The following BTG4 variants were observed in gnomAD, a reference collection of about 807,000 sequenced individuals.
BTG4 encodes the protein BTG anti-proliferation factor 4.
In BTG4, 10 loss-of-function variants were observed where a neutral mutation model predicts 19.3. That is an observed-to-expected ratio of 0.52 (90% CI 0.32 to 0.88). The LOEUF (loss-of-function observed/expected upper bound fraction) is 0.88, where lower values mean the gene tolerates loss of function less well. Ranked by LOEUF, BTG4 falls within the 40% of genes least tolerant of loss-of-function variation. BTG4 has a pLI of 0.04. For missense variants in BTG4, 238 were observed against 281.9 expected (o/e 0.84, Z 1.11); for synonymous variants, 91 against 95.7 (o/e 0.95, Z 0.29).
downstream of BTG4, chr11:111,463,285 G>A (rs1458596877): frequency 1.3e-5 from 2 of 152,700 alleles, no homozygotes; most frequent in Non-Finnish European, 2.9e-5. Flanking sequence ...ACCAAGCATG[G>A]AACTCTGTGC....
the BTG4 span, among the ~76,000 whole-genome samples, chr11:111,401,481 CAA>C: frequency 7.3e-6 from 1 of 137,904 alleles, no homozygotes. Flanking sequence ...GACTCCGTCT[CAA>C]AAAAAAAAAA....
At chr11:111,463,558 C>T (rs1019781597), downstream of BTG4, 3 of 152,616 alleles carry the variant, frequency 2.0e-5, no homozygotes, top group African/African-American at 7.2e-5. Flanking sequence ...GGTCCTAATG[C>T]TACACTTAGA....
chr11:111,414,884 C>T, the BTG4 span: 5 of 152,252 alleles, frequency 3.3e-5, no homozygotes, highest in Admixed American at 2.0e-4. Flanking sequence ...GATACCAACA[C>T]CTTCCCCAGC....
chr11:111,443,058 T>C, the BTG4 span, among the ~76,000 whole-genome samples: 1 of 152,350 alleles, frequency 6.6e-6, no homozygotes, highest in Non-Finnish European at 1.5e-5. Context: ...CCAACAGTGA[T>C]ACATCATGTT....
the BTG4 span, among the ~76,000 whole-genome samples, chr11:111,419,735 C>G: frequency 2.6e-5 from 4 of 152,228 alleles, no homozygotes; most frequent in Non-Finnish European, 5.9e-5. Flanking sequence ...CAGACAGGAA[C>G]TGACATGGAG....
At chr11:111,430,627 G>A in the BTG4 span, among the ~76,000 whole-genome samples, 1 of 152,160 alleles carries the variant, frequency 6.6e-6, no homozygotes, top group East Asian at 1.9e-4. Flanking sequence ...TTACCATCTT[G>A]ACTTTTCCCT....
At chr11:111,438,402 T>C in the BTG4 span, among the ~76,000 whole-genome samples, 2 of 152,228 alleles carry the variant, frequency 1.3e-5, no homozygotes, top group Non-Finnish European at 2.9e-5. Context: ...CCTTGGCTCA[T>C]GCAGCCTCCA....
intron 1 of BTG4, among the ~76,000 whole-genome samples, chr11:111,509,351 C>T (rs1387503242): frequency 6.6e-6 from 1 of 152,012 alleles, no homozygotes; most frequent in East Asian, 1.9e-4. Flanking sequence ...GATCTATAAA[C>T]CAAGATATGG....
Position 111,495,057 on chromosome 11 carries a change from A to G in BTG4, c.*78T>C. 1.7e-5 allele frequency: 24 copies of G among 1,400,972 alleles called. No homozygotes were observed. Among genetic ancestry groups the G allele is most frequent in the Non-Finnish European group, 2.2e-5 (24 of 1,079,542 alleles). 86.8% of individuals were successfully genotyped at this position (1,400,972 alleles called of 1,614,324 possible). ...CATTTTTTGTTTCATGGGCCTCTCA[A>G]CCTTAAATTCATTTTTATTTTAGAG... On this transcript the variant is annotated 3_prime_UTR_variant, in exon 5 of 5. Coordinates refer to ENST00000692032, the MANE Select transcript of BTG4 (RefSeq NM_001367975.1).
intron 3 of BTG4, 116 bp downstream of exon 3, chr11:111,497,882 A>C: frequency 8.8e-7 from 1 of 1,129,998 alleles, no homozygotes; most frequent in Non-Finnish European, 1.2e-6. Flanking sequence ...TTAACCAAGA[A>C]GTATCCCTGC....
At chr11:111,491,067 G>C (rs1865386220), downstream of BTG4, among the ~76,000 whole-genome samples, 1 of 152,196 alleles carries the variant, frequency 6.6e-6, no homozygotes, top group African/African-American at 2.4e-5. Context: ...ACCAATACAT[G>C]CAGCAACCTG....
At chr11:111,490,287 AT>A (rs1476479714), downstream of BTG4, among the ~76,000 whole-genome samples, 3 of 138,666 alleles carry the variant, frequency 2.2e-5, no homozygotes, top group African/African-American at 5.0e-5. Context: ...AATAAAAAAA[AT>A]AAATAAAAAA....
chr11:111,415,231 G>A, the BTG4 span, among the ~76,000 whole-genome samples: 2 of 139,992 alleles, frequency 1.4e-5, no homozygotes, highest in Non-Finnish European at 3.2e-5. Context: ...AGTGACCCCC[G>A]CCTCCCCTGC....
the BTG4 span, among the ~76,000 whole-genome samples, chr11:111,448,188 C>T: frequency 5.3e-5 from 8 of 152,148 alleles, no homozygotes; most frequent in Admixed American, 1.3e-4. Flanking sequence ...TGAGACGCCT[C>T]GTGCAAAAGA....
chr11:111,405,000 C>T, the BTG4 span, among the ~76,000 whole-genome samples: 49,226 of 152,088 alleles, frequency 0.32, 8,796 homozygotes, highest in Admixed American at 0.43. Flanking sequence ...CCCCCACATC[C>T]CAGCACTATG....
chr11:111,490,653 A>C (rs1175867851), downstream of BTG4, among the ~76,000 whole-genome samples: 1 of 152,226 alleles, frequency 6.6e-6, no homozygotes, highest in Non-Finnish European at 1.5e-5. Context: ...ATGCCAAATG[A>C]GCACAAGATG....
chr11:111,448,887 C>CA, the BTG4 span, among the ~76,000 whole-genome samples: 10 of 24,804 alleles, frequency 4.0e-4, no homozygotes, highest in East Asian at 1.9e-3. Context: ...ATAGTTATAC[C>CA]CAAAAAAAAA....
chr11:111,441,058 G>T, the BTG4 span, among the ~76,000 whole-genome samples: 1 of 151,930 alleles, frequency 6.6e-6, no homozygotes, highest in Non-Finnish European at 1.5e-5. Context: ...CAGAGTCTTG[G>T]TTCCTGGAGT....
chr11:111,419,388 C>T, the BTG4 span, among the ~76,000 whole-genome samples: 1 of 152,240 alleles, frequency 6.6e-6, no homozygotes, highest in African/African-American at 2.4e-5. Flanking sequence ...CACTGGTAAC[C>T]GAACTTAACT....
Sources: allele counts gnomAD v4.1 joint callset (sites outside exome capture counted in the v4.1 genomes callset), GRCh38; gene constraint gnomAD v4.1.1; transcripts MANE v1.5; gene names NCBI Gene and HGNC (gene_info 2026-07-23, HGNC 2026-07-21).